TEAD1: variants seen among roughly 807,000 people sequenced by gnomAD.
TEAD1 encodes the protein TEA domain transcription factor 1, also known as transcriptional enhancer factor TEF-1.
TEAD1 carries 9 observed loss-of-function variants against 54.9 expected under a neutral mutation model. The ratio of observed to expected loss-of-function variants is 0.16; its 90% confidence interval spans 0.10 to 0.29. The LOEUF (loss-of-function observed/expected upper bound fraction) is 0.29. TEAD1 is among the 10% of genes least tolerant of loss of function. The pLI is 1.00. For missense variants in TEAD1, 387 were observed against 535.9 expected (o/e 0.72, Z 2.74); for synonymous variants, 200 against 187.8 (o/e 1.07, Z -0.53).
chr11:12,741,118 T>A (rs556362267), intron 2 of TEAD1, among the ~76,000 whole-genome samples: 28 of 152,316 alleles, frequency 1.8e-4, no homozygotes, highest in African/African-American at 6.7e-4. Flanking sequence ...ATAAAACTGG[T>A]TATAATCATG....
intron 2 of TEAD1, among the ~76,000 whole-genome samples, chr11:12,679,645 C>T (rs965822087): frequency 2.0e-5 from 3 of 151,770 alleles, no homozygotes; most frequent in Admixed American, 1.3e-4. Flanking sequence ...ATCAACTGTG[C>T]TGCTTTTTTT....
intron 3 of TEAD1, among the ~76,000 whole-genome samples, chr11:12,814,838 T>TCC (rs1238649988): frequency 3.2e-4 from 44 of 136,354 alleles, no homozygotes; most frequent in African/African-American, 1.1e-3. Flanking sequence ...TGTGTGTGTG[T>TCC]GTCCCCGTCC....
chr11:12,882,868 C>A, intron 8 of TEAD1, 133 bp from the exon 9 acceptor site: 1 of 1,354,894 alleles, frequency 7.4e-7, no homozygotes, highest in Non-Finnish European at 1.0e-6. Context: ...TCTGAGTTAT[C>A]CTGGCCAGAG....
At chr11:12,771,130 T>G (rs942782834) in intron 3 of TEAD1, among the ~76,000 whole-genome samples, 69 of 152,144 alleles carry the variant, frequency 4.5e-4, no homozygotes, top group African/African-American at 1.5e-3. Context: ...AAGGAACATG[T>G]GATAAAGGCA....
At chr11:12,783,942 G>A (rs1336166660) in intron 3 of TEAD1, among the ~76,000 whole-genome samples, 1 of 152,094 alleles carries the variant, frequency 6.6e-6, no homozygotes, top group East Asian at 1.9e-4. Flanking sequence ...ACAGGAAGGG[G>A]GGATGGGAGC....
chr11:12,738,480 G>A (rs1051077900), intron 2 of TEAD1, among the ~76,000 whole-genome samples: 1 of 152,180 alleles, frequency 6.6e-6, no homozygotes, highest in African/African-American at 2.4e-5. Context: ...AAGAGGTGGC[G>A]TGTCTCAGCC....
At chr11:12,840,234 G>C (rs1478993240) in intron 3 of TEAD1, among the ~76,000 whole-genome samples, 4 of 116,488 alleles carry the variant, frequency 3.4e-5, no homozygotes, top group African/African-American at 1.3e-4. Context: ...GCGACAGAGC[G>C]AGACTCTGCC....
At chr11:12,864,737 GC>G in intron 4 of TEAD1, 100 bp from the exon 5 acceptor site, 1 of 1,607,354 alleles carries the variant, frequency 6.2e-7, no homozygotes, top group Non-Finnish European at 8.5e-7. Flanking sequence ...AGAAATTCAA[GC>G]CGCCATTAAG....
chr11:12,733,924 C>T (rs930643474), intron 2 of TEAD1, among the ~76,000 whole-genome samples: 1 of 152,188 alleles, frequency 6.6e-6, no homozygotes, highest in African/African-American at 2.4e-5. Flanking sequence ...TCCCCACCTC[C>T]CCCGCCCCCT....
intron 3 of TEAD1, among the ~76,000 whole-genome samples, chr11:12,806,548 A>T (rs1946176934): frequency 6.6e-6 from 1 of 152,182 alleles, no homozygotes; most frequent in Non-Finnish European, 1.5e-5. Flanking sequence ...AGATGGCCAG[A>T]AGAAGACCAG....
intron 4 of TEAD1, 191 bp from the exon 5 acceptor site, chr11:12,864,647 G>GTTTTT: frequency 7.3e-7 from 1 of 1,366,314 alleles, no homozygotes; most frequent in Non-Finnish European, 9.6e-7. Context: ...GTTTTGTTTT[G>GTTTTT]TTTTGTTTTG....
intron 9 of TEAD1, among the ~76,000 whole-genome samples, chr11:12,895,858 T>C (rs1235535221): frequency 6.6e-6 from 1 of 152,208 alleles, no homozygotes; most frequent in African/African-American, 2.4e-5. Context: ...TATCTCATTC[T>C]ATTAATTTTA....
chr11:12,841,447 T>G (rs1301732759), intron 3 of TEAD1, among the ~76,000 whole-genome samples: 2 of 152,094 alleles, frequency 1.3e-5, no homozygotes, highest in Non-Finnish European at 2.9e-5. Flanking sequence ...ATAAGTACAG[T>G]TTTTCTCGAT....
At position 12,857,491 on chromosome 11, in the gene TEAD1, A is replaced by G. The variant is rs117757338; in HGVS notation, c.203-4759A>G. On this transcript the variant is annotated intron_variant, in intron 3 of 12. Transcript: ENST00000527636. ...GGTGACTGCAGGATTGTTTTAGGAA[A>G]ATAATAAGTAACTTAAAGTTAGCTT... is the stretch of plus-strand genomic sequence containing the variant. Among the ~76,000 whole-genome samples the G allele has an allele frequency of 7.8e-3, 1,187 of 152,300 alleles. 5 individuals are homozygous for G. Among genetic ancestry groups the G allele is most frequent in the Non-Finnish European group, 0.012 (835 of 68,024 alleles).
chr11:12,780,935 T>C (rs924586626), intron 3 of TEAD1, among the ~76,000 whole-genome samples: 1 of 152,188 alleles, frequency 6.6e-6, no homozygotes, highest in Non-Finnish European at 1.5e-5. Flanking sequence ...ACTCACACTT[T>C]GTGATTTCAA....
At chr11:12,680,492 C>T (rs1050389224) in intron 2 of TEAD1, among the ~76,000 whole-genome samples, 2 of 152,188 alleles carry the variant, frequency 1.3e-5, no homozygotes, top group African/African-American at 4.8e-5. Flanking sequence ...GAGGCCCGCC[C>T]GCCCGAGCCT....
At chr11:12,734,414 G>A (rs1281680295) in intron 2 of TEAD1, among the ~76,000 whole-genome samples, 1 of 151,642 alleles carries the variant, frequency 6.6e-6, no homozygotes, top group East Asian at 1.9e-4. Flanking sequence ...TTTTATAATT[G>A]AAAAAAAATT....
chr11:12,930,717 C>G (rs1365572158), intron 12 of TEAD1, among the ~76,000 whole-genome samples: 1 of 151,594 alleles, frequency 6.6e-6, no homozygotes, highest in Non-Finnish European at 1.5e-5. Flanking sequence ...TTTTAAGTTC[C>G]GCAGGTAATT....
At chr11:12,763,379 C>T (rs1310767779) in intron 2 of TEAD1, among the ~76,000 whole-genome samples, 2 of 152,198 alleles carry the variant, frequency 1.3e-5, no homozygotes, top group South Asian at 2.1e-4. Context: ...GTGCTAGGCA[C>T]TTGTGGTAGA....
Sources: gnomAD v4.1 joint callset for allele counts (sites outside exome capture counted in the v4.1 genomes callset) on GRCh38, gnomAD v4.1.1 for gene constraint, MANE v1.5 for transcripts, NCBI Gene and HGNC (gene_info 2026-07-23, HGNC 2026-07-21) for gene names.